SPAG16: variants seen among roughly 807,000 people sequenced by gnomAD.
SPAG16 encodes the protein sperm associated antigen 16.
A neutral mutation model predicts 80.4 loss-of-function variants in SPAG16; 86 were observed. The observed-to-expected ratio is 1.07, with a 90% confidence interval of 0.90 to 1.28. The LOEUF is 1.28. Among genes scored for constraint, SPAG16 ranks in the 50% most tolerant of loss-of-function variants. SPAG16 has a pLI of 0.00. For missense variants in SPAG16, 870 were observed against 765.3 expected (o/e 1.14, Z -1.61); for synonymous variants, 294 against 265.9 (o/e 1.11, Z -1.03).
Position 213,383,048 on chromosome 2 carries a change from A to G in SPAG16, c.942+7929A>G, listed in dbSNP as rs145067616. On this transcript the variant is annotated intron_variant, in intron 9 of 15. Transcript: ENST00000331683. ...AGATAACACATATGGCACAGCCCAT[A>G]TGTTCCAGATCTTTACATGATTCTC... is the stretch of plus-strand genomic sequence containing the variant. 8.5e-5 allele frequency among the ~76,000 whole-genome samples: 13 copies of G among 152,236 alleles called. No homozygotes were observed. In the East Asian group the frequency reaches 1.9e-3, roughly 23 times the overall value.
At chr2:213,366,593 A>G (rs774546082) in intron 8 of SPAG16, among the ~76,000 whole-genome samples, 42 of 152,228 alleles carry the variant, frequency 2.8e-4, no homozygotes, top group South Asian at 6.2e-4. Context: ...TTTATTCACT[A>G]TCATGAGAAC....
chr2:213,449,427 C>A (rs1366606934), intron 9 of SPAG16, among the ~76,000 whole-genome samples: 1 of 152,026 alleles, frequency 6.6e-6, no homozygotes, highest in African/African-American at 2.4e-5. Context: ...TTGTACCTAC[C>A]CTCTGTTCTT....
rs534791587 is a variant in SPAG16 at position 213,586,721 on chromosome 2, T to C, written c.1070+96631T>C. 1.6e-3 allele frequency among the ~76,000 whole-genome samples: 250 copies of C among 152,338 alleles called. 2 individuals are homozygous for C. Among genetic ancestry groups the C allele is most frequent in the African/African-American group, 5.7e-3 (237 of 41,574 alleles). Reference sequence around the variant, plus strand: ...ATTCTGAGGCAAATTTCTCTCCACCTGTGAATCTGTGAAATCAGACCTGTT... The same window carrying C: ...ATTCTGAGGCAAATTTCTCTCCACCCGTGAATCTGTGAAATCAGACCTGTT... On this transcript the variant is annotated intron_variant, in intron 10 of 15. Transcript: ENST00000331683.
intron 9 of SPAG16, among the ~76,000 whole-genome samples, chr2:213,378,212 G>A (rs543829582): frequency 6.6e-6 from 1 of 152,164 alleles, no homozygotes; most frequent in South Asian, 2.1e-4. Flanking sequence ...TTAAGGGTGG[G>A]TCTGTCTTTC....
At chr2:213,902,968 G>A (rs1035748763) in intron 11 of SPAG16, among the ~76,000 whole-genome samples, 3 of 152,318 alleles carry the variant, frequency 2.0e-5, no homozygotes, top group Non-Finnish European at 4.4e-5. Flanking sequence ...AAAATGTCAA[G>A]ATGATCTCCT....
intron 15 of SPAG16, among the ~76,000 whole-genome samples, chr2:214,157,562 A>G (rs2125592545): frequency 6.6e-6 from 1 of 152,234 alleles, no homozygotes; most frequent in Admixed American, 6.5e-5. Context: ...ATATTAATTT[A>G]GGGATAATAG....
intron 10 of SPAG16, among the ~76,000 whole-genome samples, chr2:213,606,045 A>G (rs2061249273): frequency 6.6e-6 from 1 of 152,198 alleles, no homozygotes; most frequent in Non-Finnish European, 1.5e-5. Flanking sequence ...AGACTTTATT[A>G]ACCTTAGAGG....
At chr2:214,184,413 T>C (rs2057405712) in intron 15 of SPAG16, among the ~76,000 whole-genome samples, 1 of 152,110 alleles carries the variant, frequency 6.6e-6, no homozygotes, top group Admixed American at 6.6e-5. Context: ...TAGTTTACTT[T>C]TAATGTAATT....
At chr2:213,830,108 T>C (rs1306693629) in intron 10 of SPAG16, among the ~76,000 whole-genome samples, 1 of 152,176 alleles carries the variant, frequency 6.6e-6, no homozygotes, top group Non-Finnish European at 1.5e-5. Context: ...TGGCCTAGAC[T>C]GCCTTTCAAG....
chr2:213,962,466 T>A (rs1469030645), intron 12 of SPAG16, among the ~76,000 whole-genome samples: 1 of 152,168 alleles, frequency 6.6e-6, no homozygotes, highest in African/African-American at 2.4e-5. Flanking sequence ...ATTACAGGCA[T>A]GAGCCACCGC....
intron 13 of SPAG16, among the ~76,000 whole-genome samples, chr2:214,028,513 G>C (rs996187898): frequency 3.3e-5 from 5 of 152,006 alleles, no homozygotes; most frequent in Admixed American, 2.6e-4. Context: ...GCATGCTTTA[G>C]TCTCTGGTTG....
intron 10 of SPAG16, among the ~76,000 whole-genome samples, chr2:213,857,004 T>A (rs1370472653): frequency 6.6e-6 from 1 of 152,122 alleles, no homozygotes; most frequent in Non-Finnish European, 1.5e-5. Context: ...CCAAGGAGGA[T>A]GGGTCACCTA....
intron 12 of SPAG16, among the ~76,000 whole-genome samples, chr2:214,009,608 C>T (rs918221409): frequency 1.3e-5 from 2 of 152,036 alleles, no homozygotes; most frequent in East Asian, 1.9e-4. Context: ...GAATGAGGGT[C>T]GTGAGGGAGG....
intron 9 of SPAG16, among the ~76,000 whole-genome samples, chr2:213,429,211 G>A (rs2070138390): frequency 6.6e-6 from 1 of 152,128 alleles, no homozygotes; most frequent in Admixed American, 6.5e-5. Context: ...CTCTGTCTCA[G>A]GAATAATTGC....
rs532665115 is a variant in SPAG16, at chr2:213,618,747, A to C, written c.1070+128657A>C. Among the ~76,000 whole-genome samples the C allele has an allele frequency of 3.2e-4, 48 of 152,068 alleles. No homozygotes were observed. The East Asian group carries it at 8.5e-3, about 27-fold the overall frequency. On this transcript the variant is annotated intron_variant, in intron 10 of 15. Coordinates refer to ENST00000331683, the MANE Select transcript of SPAG16 (RefSeq NM_024532.5). The stretch of plus-strand genomic sequence containing the variant: ...TTTGCATGCACAGAATTTAAAAAAA[A>C]TTTAAAAAAAGGAAAAGTCACAAGG...
At chr2:213,839,307 A>T (rs2074252792) in intron 10 of SPAG16, among the ~76,000 whole-genome samples, 1 of 152,230 alleles carries the variant, frequency 6.6e-6, no homozygotes, top group Non-Finnish European at 1.5e-5. Flanking sequence ...TTGATTCAAA[A>T]GAAAATACTT....
intron 10 of SPAG16, among the ~76,000 whole-genome samples, chr2:213,560,825 C>G (rs1270571280): frequency 6.6e-6 from 1 of 152,156 alleles, no homozygotes; most frequent in Admixed American, 6.5e-5. Context: ...AAACTACTAT[C>G]TTTCAACTAC....
chr2:213,849,147 T>C (rs987555562), intron 10 of SPAG16, among the ~76,000 whole-genome samples: 2 of 152,104 alleles, frequency 1.3e-5, no homozygotes, highest in African/African-American at 2.4e-5. Context: ...ACTCTTGGCA[T>C]AGGGTGACAG....
intron 9 of SPAG16, among the ~76,000 whole-genome samples, chr2:213,416,325 A>G (rs1019688124): frequency 6.6e-6 from 1 of 152,236 alleles, no homozygotes; most frequent in African/African-American, 2.4e-5. Context: ...CTCAGAATGT[A>G]TCAGGGACCA....
Sources: allele counts gnomAD v4.1 joint callset (sites outside exome capture counted in the v4.1 genomes callset), GRCh38; gene constraint gnomAD v4.1.1; transcripts MANE v1.5; gene names NCBI Gene and HGNC (gene_info 2026-07-23, HGNC 2026-07-21).